ELP3: variants seen among roughly 807,000 people sequenced by gnomAD.
ELP3 encodes elongator complex protein 3.
Under a neutral mutation model 74.9 loss-of-function variants are expected in ELP3, and 56 were observed. The observed-to-expected ratio is 0.75, with a 90% CI of 0.60 to 0.93. The LOEUF is 0.93. Ranked by LOEUF, ELP3 falls within the 40% of genes least tolerant of loss-of-function variation. The pLI, the probability that ELP3 is intolerant of heterozygous loss-of-function variation, is 0.00. For synonymous variants in ELP3, 222 were observed against 239.8 expected (o/e 0.93, Z 0.68); for missense variants, 573 against 686.5 (o/e 0.83, Z 1.85).
chr8:28,137,555 GTC>G (rs879432751), intron 9 of ELP3, 141 bp from the exon 10 acceptor site: 8 of 704,548 alleles, frequency 1.1e-5, no homozygotes, highest in Admixed American at 2.9e-5. Context: ...TTTCTGTTCT[GTC>G]TGTACGCCCT....
chr8:28,162,284 A>G (rs185161046), intron 14 of ELP3, among the ~76,000 whole-genome samples: 1 of 152,294 alleles, frequency 6.6e-6, no homozygotes, highest in Admixed American at 6.5e-5. Flanking sequence ...GAGAGTCAGG[A>G]CCTGTGACCC....
At chr8:28,162,359 C>A (rs1814134241) in intron 14 of ELP3, among the ~76,000 whole-genome samples, 1 of 152,062 alleles carries the variant, frequency 6.6e-6, no homozygotes, top group Non-Finnish European at 1.5e-5. Flanking sequence ...TGTGCTGTGC[C>A]CAGTTACTGT....
intron 2 of ELP3, among the ~76,000 whole-genome samples, chr8:28,099,370 T>C (rs1162252156): frequency 6.6e-6 from 1 of 152,146 alleles, no homozygotes; most frequent in African/African-American, 2.4e-5. Flanking sequence ...AGGGACATTT[T>C]TGAGTGTTAC....
At chr8:28,097,519 C>G (rs982742720) in intron 2 of ELP3, among the ~76,000 whole-genome samples, 1 of 151,758 alleles carries the variant, frequency 6.6e-6, no homozygotes, top group Non-Finnish European at 1.5e-5. Context: ...GCCTCAGCCT[C>G]CTGAGTAGCT....
At chr8:28,139,857 A>C (rs1378809303) in intron 10 of ELP3, among the ~76,000 whole-genome samples, 3 of 152,216 alleles carry the variant, frequency 2.0e-5, no homozygotes, top group Non-Finnish European at 4.4e-5. Flanking sequence ...AGGCAGGAGA[A>C]TCACTTGAAC....
In ELP3 at chr8:28,137,825, T is replaced by A; in HGVS notation, c.1034T>A (p.Leu345Gln). ...TATAAGAGTTACTCTCCTAGTGACC[T>A]GGTTGAATTGGTGGCTCGGATCCTA... ...GRYKSYSPSD[L>Q]VELVARILAL... Residue 345 changes from leucine to glutamine, a missense_variant, in exon 10 of 15, where the codon CTG (leucine) becomes CAG (glutamine). Coordinates refer to ENST00000256398, the MANE Select transcript of ELP3 (RefSeq NM_018091.6). 1 of 1,614,066 alleles carries A rather than the reference T, an allele frequency of 6.2e-7. No individual in the cohort carries two copies. The highest frequency in any genetic ancestry group is 2.2e-5 in the East Asian group (1 of 44,874).
chr8:28,158,527 T>TCCCCCCCC, intron 11 of ELP3, 41 bp from the exon 12 acceptor site: 13 of 1,213,176 alleles, frequency 1.1e-5, no homozygotes, highest in Admixed American at 3.5e-5. Flanking sequence ...TTTGTACCCC[T>TCCCCCCCC]CCCACCCCCC....
At chr8:28,156,626 G>A (rs1813839122) in intron 11 of ELP3, among the ~76,000 whole-genome samples, 1 of 152,170 alleles carries the variant, frequency 6.6e-6, no homozygotes, top group East Asian at 1.9e-4. Context: ...AGCTGCTAAA[G>A]GGATAAACCA....
chr8:28,097,460 C>CTTT, intron 2 of ELP3, 142 bp downstream of exon 2: 18 of 443,888 alleles, frequency 4.1e-5, no homozygotes, highest in Non-Finnish European at 4.8e-5. Flanking sequence ...TCATTCATTT[C>CTTT]TTTTTTTTTT....
At chr8:28,151,072 G>A (rs1279550286) in intron 10 of ELP3, among the ~76,000 whole-genome samples, 1 of 152,132 alleles carries the variant, frequency 6.6e-6, no homozygotes, top group African/African-American at 2.4e-5. Flanking sequence ...ACCGTACTCG[G>A]CCTGTGTGAC....
At chr8:28,098,597 C>T (rs981441344) in intron 2 of ELP3, among the ~76,000 whole-genome samples, 3 of 152,236 alleles carry the variant, frequency 2.0e-5, no homozygotes, top group African/African-American at 7.2e-5. Flanking sequence ...CTAAAGCTGC[C>T]ATCGTCCTTA....
intron 2 of ELP3, among the ~76,000 whole-genome samples, chr8:28,098,880 C>T (rs1811360094): frequency 6.6e-6 from 1 of 152,234 alleles, no homozygotes; most frequent in African/African-American, 2.4e-5. Flanking sequence ...AATATCTCCC[C>T]AGCACACATC....
At chr8:28,185,888 G>A (rs1430694511) in intron 14 of ELP3, among the ~76,000 whole-genome samples, 1 of 152,190 alleles carries the variant, frequency 6.6e-6, no homozygotes, top group Non-Finnish European at 1.5e-5. Context: ...GGAGAGCAGT[G>A]TGTTCAGAAT....
intron 6 of ELP3, chr8:28,112,768 G>A (rs550234981): frequency 6.8e-6 from 2 of 294,900 alleles, no homozygotes; most frequent in East Asian, 5.6e-5. Flanking sequence ...TTTCCGCTTT[G>A]TAGGTATTCA....
At chr8:28,099,168 A>G (rs1811371699) in intron 2 of ELP3, among the ~76,000 whole-genome samples, 1 of 152,232 alleles carries the variant, frequency 6.6e-6, no homozygotes. Context: ...GGTGACTGTT[A>G]AGAGTTTGGC....
At chr8:28,105,157 G>A (rs1447961169) in intron 3 of ELP3, among the ~76,000 whole-genome samples, 2 of 152,044 alleles carry the variant, frequency 1.3e-5, no homozygotes, top group African/African-American at 4.8e-5. Flanking sequence ...CGAGGTGGGT[G>A]GATCACCTGA....
chr8:28,138,849 G>A (rs3757895), intron 10 of ELP3, among the ~76,000 whole-genome samples: 91,291 of 152,134 alleles, frequency 0.6, 29,164 homozygotes, highest in East Asian at 0.92. Flanking sequence ...TGCAGGATCT[G>A]AATTGCCTAT....
chr8:28,090,269 G>T, upstream of ELP3: 1 of 402,168 alleles, frequency 2.5e-6, no homozygotes, highest in South Asian at 1.9e-5. Flanking sequence ...GTGCAAGGAG[G>T]AGTGGCCAAC....
At chr8:28,185,756 A>G (rs1252072423) in intron 14 of ELP3, among the ~76,000 whole-genome samples, 1 of 152,182 alleles carries the variant, frequency 6.6e-6, no homozygotes, top group Non-Finnish European at 1.5e-5. Flanking sequence ...TGGTTTGCTG[A>G]TCCTGGACCT....
Sources: gnomAD v4.1 joint callset for allele counts (sites outside exome capture counted in the v4.1 genomes callset) on GRCh38, gnomAD v4.1.1 for gene constraint, MANE v1.5 for transcripts, NCBI Gene and HGNC (gene_info 2026-07-23, HGNC 2026-07-21) for gene names.